LRMDA: variants seen among roughly 807,000 people sequenced by gnomAD.
The protein encoded by LRMDA is leucine rich melanocyte differentiation associated, also known as leucine-rich melanocyte differentiation-associated protein.
LRMDA carries 18 observed loss-of-function variants against 29.8 expected under a neutral mutation model. The ratio of observed to expected loss-of-function variants is 0.60; its 90% CI spans 0.42 to 0.90. The LOEUF is 0.90. Ranked by LOEUF, LRMDA falls within the 40% of genes least tolerant of loss-of-function variation. The probability of loss-of-function intolerance (pLI) is 0.00; values close to 1 mark genes in which losing one functional copy is unlikely to be tolerated. For synonymous variants in LRMDA, 125 were observed against 109.4 expected, an observed-to-expected ratio of 1.14 and a Z score of -0.89; for missense variants, 273 against 273.9, an observed-to-expected ratio of 1.00 and a Z score of 0.02.
chr10:76,545,380 C>T (rs1843407933), intron 6 of LRMDA, among the ~76,000 whole-genome samples: 1 of 151,454 alleles, frequency 6.6e-6, no homozygotes, highest in Non-Finnish European at 1.5e-5. Context: ...GCCAAAATTC[C>T]CATTCAGACT....
At chr10:75,904,389 A>T (rs1224784380) in intron 2 of LRMDA, among the ~76,000 whole-genome samples, 1 of 152,150 alleles carries the variant, frequency 6.6e-6, no homozygotes, top group Non-Finnish European at 1.5e-5. Context: ...AGCAAGGTCC[A>T]CTGGTGGCCG....
intron 2 of LRMDA, among the ~76,000 whole-genome samples, chr10:75,731,691 G>A (rs561526298): frequency 6.6e-6 from 1 of 152,336 alleles, no homozygotes; most frequent in East Asian, 1.9e-4. Flanking sequence ...ATACTGCAAA[G>A]TAATTGCTGA....
At chr10:76,258,673 CT>C (rs1839896939) in intron 5 of LRMDA, among the ~76,000 whole-genome samples, 2 of 152,054 alleles carry the variant, frequency 1.3e-5, no homozygotes, top group South Asian at 4.1e-4. Context: ...ATGAGATCAT[CT>C]TTTTTTAGCT....
At chr10:75,764,726 C>A (rs1843140375) in intron 2 of LRMDA, among the ~76,000 whole-genome samples, 2 of 152,196 alleles carry the variant, frequency 1.3e-5, no homozygotes, top group African/African-American at 4.8e-5. Context: ...TCTGCTAACA[C>A]CACGAAGGAG....
intron 2 of LRMDA, among the ~76,000 whole-genome samples, chr10:75,724,727 T>C (rs1842610454): frequency 6.6e-6 from 1 of 152,172 alleles, no homozygotes; most frequent in Admixed American, 6.6e-5. Flanking sequence ...CATATTCTTC[T>C]AGCCACTGTA....
intron 6 of LRMDA, among the ~76,000 whole-genome samples, chr10:76,486,990 T>C (rs528096705): frequency 9.9e-5 from 15 of 152,054 alleles, no homozygotes; most frequent in African/African-American, 3.6e-4. Context: ...GAACAGGTTA[T>C]TATTGTGTTG....
intron 6 of LRMDA, among the ~76,000 whole-genome samples, chr10:76,458,659 C>T (rs1326273467): frequency 6.6e-6 from 1 of 152,124 alleles, no homozygotes; most frequent in Non-Finnish European, 1.5e-5. Flanking sequence ...TCACATCAGA[C>T]ACAGTTTGGA....
At chr10:75,782,704 A>G (rs978725573) in intron 2 of LRMDA, 52 of 1,256,334 alleles carry the variant, frequency 4.1e-5, no homozygotes, top group Non-Finnish European at 5.2e-5. Context: ...ACATAAAGCC[A>G]GGCACTTGTG....
At chr10:76,074,179 C>T (rs909890055) in intron 5 of LRMDA, among the ~76,000 whole-genome samples, 3 of 152,342 alleles carry the variant, frequency 2.0e-5, no homozygotes, top group South Asian at 2.1e-4. Context: ...ACTGTGCAGT[C>T]TGTGTGATTT....
intron 6 of LRMDA, among the ~76,000 whole-genome samples, chr10:76,456,035 G>T (rs1314891116): frequency 3.9e-5 from 6 of 152,132 alleles, no homozygotes; most frequent in Non-Finnish European, 5.9e-5. Context: ...CTTAGGGGCT[G>T]GGTTGTTGGG....
chr10:75,949,535 A>G (rs554045742), intron 2 of LRMDA, among the ~76,000 whole-genome samples: 1 of 152,310 alleles, frequency 6.6e-6, no homozygotes, highest in South Asian at 2.1e-4. Flanking sequence ...GGGGAAGGCC[A>G]TGGGGTATAA....
chr10:75,956,855 C>T (rs1404553501), intron 2 of LRMDA, among the ~76,000 whole-genome samples: 1 of 152,160 alleles, frequency 6.6e-6, no homozygotes. Context: ...ATGGCTTCAC[C>T]CAGCTGCAAG....
At position 75,700,209 on chromosome 10, in the gene LRMDA, A is replaced by G. The variant is rs1433944457; in HGVS notation, c.131+261715A>G. Among the ~76,000 whole-genome samples the G allele has an allele frequency of 3.9e-5, 6 of 152,008 alleles. No individual in the cohort carries two copies. In the East Asian group the frequency reaches 1.2e-3, roughly 29 times the overall value. Reference sequence around the variant, plus strand: ...GTGACTTTTGAGCTATGATTCATTTATTAAAGTCAAGTTTTAAACTGAAAT... The same window carrying G: ...GTGACTTTTGAGCTATGATTCATTTGTTAAAGTCAAGTTTTAAACTGAAAT... On this transcript the variant is annotated intron_variant, in intron 2 of 6. Coordinates refer to ENST00000611255, the MANE Select transcript of LRMDA (RefSeq NM_001305581.2).
chr10:75,689,139 T>C (rs556236388), intron 2 of LRMDA, among the ~76,000 whole-genome samples: 9 of 152,244 alleles, frequency 5.9e-5, no homozygotes, highest in Non-Finnish European at 1.2e-4. Flanking sequence ...TAATAGAAAA[T>C]CTTTGAGCTA....
intron 2 of LRMDA, among the ~76,000 whole-genome samples, chr10:75,822,069 T>C (rs542657035): frequency 6.6e-6 from 1 of 152,268 alleles, no homozygotes; most frequent in South Asian, 2.1e-4. Context: ...TATAATATTA[T>C]ACCTAGAAAA....
intron 5 of LRMDA, among the ~76,000 whole-genome samples, chr10:76,262,913 T>C (rs948578690): frequency 1.3e-5 from 2 of 152,256 alleles, no homozygotes; most frequent in African/African-American, 4.8e-5. Flanking sequence ...TGCCCTTTCT[T>C]AAGCCCTTGC....
chr10:76,205,163 CTT>C (rs1443722227), intron 5 of LRMDA, among the ~76,000 whole-genome samples: 1 of 152,178 alleles, frequency 6.6e-6, no homozygotes, highest in Non-Finnish European at 1.5e-5. Flanking sequence ...TCCTAAGTAA[CTT>C]TCTCTGGAAA....
intron 2 of LRMDA, among the ~76,000 whole-genome samples, chr10:75,932,698 G>A (rs540758832): frequency 6.6e-6 from 1 of 152,208 alleles, no homozygotes; most frequent in African/African-American, 2.4e-5. Context: ...TAAATTATCT[G>A]CCCCCTTCCA....
chr10:76,280,076 A>T (rs920525213), intron 5 of LRMDA, among the ~76,000 whole-genome samples: 1 of 152,248 alleles, frequency 6.6e-6, no homozygotes, highest in African/African-American at 2.4e-5. Flanking sequence ...GATCATTGTC[A>T]AGGAGAAAAT....
Sources: gnomAD v4.1 joint callset for allele counts (sites outside exome capture counted in the v4.1 genomes callset) on GRCh38, gnomAD v4.1.1 for gene constraint, MANE v1.5 for transcripts, NCBI Gene and HGNC (gene_info 2026-07-23, HGNC 2026-07-21) for gene names.